The following CTNND2 variants were observed in gnomAD, a reference collection of about 807,000 sequenced individuals.
The protein encoded by CTNND2 is catenin delta 2.
CTNND2 carries 22 observed loss-of-function variants against 144.4 expected under a neutral mutation model. The ratio of observed to expected loss-of-function variants is 0.15; its 90% CI spans 0.11 to 0.22. The LOEUF is 0.22. CTNND2 is among the 10% of genes least tolerant of loss of function. The pLI, the probability that CTNND2 is intolerant of heterozygous loss-of-function variation, is 1.00. For synonymous variants in CTNND2, 751 were observed against 695.6 expected (o/e 1.08, Z -1.25); for missense variants, 1,353 against 1,618.8 (o/e 0.84, Z 2.82).
rs371500967 is a variant in CTNND2, at chr5:11,526,639, C to T, written c.287+38305G>A. The stretch of plus-strand genomic sequence containing the variant: ...TTTTGTTATGTATTAACACTTAATC[C>T]TCAGAATACCCCTGTGTTTTAGGAA... On this transcript the variant is annotated intron_variant, in intron 3 of 21. Transcript: ENST00000304623. 1.6e-4 allele frequency among the ~76,000 whole-genome samples: 25 copies of T among 152,276 alleles called. No homozygotes were observed. The South Asian group carries it at 4.1e-3, about 25-fold the overall frequency.
At position 11,017,958 on chromosome 5, in the gene CTNND2, G is replaced by A. The variant is rs61751680; in HGVS notation, c.3084+16C>T. 2.8e-3 allele frequency: 4,562 copies of A among 1,609,682 alleles called. 110 individuals are homozygous for A. The African/African-American group carries it at 0.053, about 19-fold the overall frequency. On this transcript the variant is annotated intron_variant, in intron 18 of 21. Transcript: ENST00000304623. The stretch of plus-strand genomic sequence containing the variant: ...TTGAGTGTTTGGACTCAGGGCCCAG[G>A]TGAAGCCAGCCTTACCTTTTTGTAG...
At position 11,851,099 on chromosome 5, in the gene CTNND2, C is replaced by A. The variant is rs146785247; in HGVS notation, c.37+52718G>T. 5.9e-5 allele frequency among the ~76,000 whole-genome samples: 9 copies of A among 152,268 alleles called. No individual in the cohort carries two copies. The East Asian group carries it at 1.7e-3, about 29-fold the overall frequency. ...AACATAAATACCCTGTTTGCGTTCC[C>A]GGCCTACTGGCCTGTCCCACAGATT... On this transcript the variant is annotated intron_variant, in intron 1 of 21. Transcript: ENST00000304623.
At position 11,845,345 on chromosome 5, in the gene CTNND2, T is replaced by C. The variant is rs1794683889; in HGVS notation, c.37+58472A>G. On this transcript the variant is annotated intron_variant, in intron 1 of 21. Coordinates refer to ENST00000304623, the MANE Select transcript of CTNND2 (RefSeq NM_001332.4). Reference sequence around the variant, plus strand: ...ACTCCATGGTGGCTGATATGGACTATATTATGTCCTCCCAAAAATCATAGC... The same window carrying C: ...ACTCCATGGTGGCTGATATGGACTACATTATGTCCTCCCAAAAATCATAGC... 2.0e-5 allele frequency among the ~76,000 whole-genome samples: 3 copies of C among 152,212 alleles called. No individual in the cohort carries two copies. The South Asian group carries it at 6.2e-4, about 32-fold the overall frequency.
chr5:11,224,717 C>T (rs1740150084), intron 10 of CTNND2, among the ~76,000 whole-genome samples: 1 of 152,178 alleles, frequency 6.6e-6, no homozygotes, highest in Non-Finnish European at 1.5e-5. Context: ...CAGTGCTGTT[C>T]TGGAAGGTTC....
At position 11,904,386 on chromosome 5, in the gene CTNND2, G is replaced by T. The variant is rs2126367535; in HGVS notation, c.-533C>A. ...AGCCTCCACCTAAACCTCGGCGGCC[G>T]GCCCGGGCGCCCGGCTAGTGAGGGA... On this transcript the variant is annotated 5_prime_UTR_variant, in exon 1 of 22. Transcript: ENST00000304623. The surrounding 1 kb of genome is among the most constrained non-coding windows in gnomAD (Gnocchi z 4.2). 6.6e-6 allele frequency among the ~76,000 whole-genome samples: 1 copy of T among 151,440 alleles called. No individual in the cohort carries two copies. Among genetic ancestry groups the T allele is most frequent in the African/African-American group, 2.4e-5 (1 of 41,426 alleles).
At position 11,262,669 on chromosome 5, in the gene CTNND2, G is replaced by C. The variant is rs1744993342; in HGVS notation, c.1629-25846C>G. Among the ~76,000 whole-genome samples the C allele has an allele frequency of 2.1e-5, 3 of 143,994 alleles. No homozygotes were observed. The South Asian group carries it at 6.8e-4, about 32-fold the overall frequency. 94.5% of individuals were successfully genotyped at this position (143,994 alleles called of 152,430 possible). On this transcript the variant is annotated intron_variant, in intron 9 of 21. Coordinates refer to ENST00000304623, the MANE Select transcript of CTNND2 (RefSeq NM_001332.4). ...CCCAGCTACTCGGGAGGCTGAAGCA[G>C]GAGAATGGCGTGAACCCAGGAGGCA...
intron 12 of CTNND2, among the ~76,000 whole-genome samples, chr5:11,158,060 G>T (rs554667669): frequency 6.6e-6 from 1 of 152,150 alleles, no homozygotes; most frequent in East Asian, 1.9e-4. Flanking sequence ...ACACCACGAA[G>T]ACATACTTAT....
chr5:11,884,317 G>A (rs1156847692), intron 1 of CTNND2, among the ~76,000 whole-genome samples: 5 of 152,010 alleles, frequency 3.3e-5, no homozygotes, highest in African/African-American at 4.8e-5. Flanking sequence ...TAGGTCCTAC[G>A]TTTCAGTCTT....
At chr5:11,419,027 TATATATAG>T (rs1286249150) in intron 3 of CTNND2, among the ~76,000 whole-genome samples, 2 of 140,730 alleles carry the variant, frequency 1.4e-5, no homozygotes, top group African/African-American at 5.5e-5. Flanking sequence ...GATGTCTATC[TATATATAG>T]ATATATAGAT....
chr5:11,171,444 T>A (rs1580481714), intron 11 of CTNND2, among the ~76,000 whole-genome samples: 1 of 152,326 alleles, frequency 6.6e-6, no homozygotes, highest in South Asian at 2.1e-4. Flanking sequence ...CTGATCATGC[T>A]CAAATTTATA....
chr5:11,201,772 C>G (rs1162850655), intron 10 of CTNND2, among the ~76,000 whole-genome samples: 1 of 152,022 alleles, frequency 6.6e-6, no homozygotes, highest in Non-Finnish European at 1.5e-5. Flanking sequence ...AAGGGAGACT[C>G]AAGGATCTTT....
At chr5:11,349,836 CA>C (rs1293136177) in intron 8 of CTNND2, among the ~76,000 whole-genome samples, 3 of 152,014 alleles carry the variant, frequency 2.0e-5, no homozygotes, top group East Asian at 1.9e-4. Context: ...AAATATATTA[CA>C]AAATTGTTAT....
intron 9 of CTNND2, among the ~76,000 whole-genome samples, chr5:11,251,445 G>C (rs1482898058): frequency 6.6e-6 from 1 of 152,154 alleles, no homozygotes; most frequent in African/African-American, 2.4e-5. Flanking sequence ...GAAAATCCTG[G>C]TATGCAAAGT....
rs67991658 is a variant in CTNND2 at position 11,181,758 on chromosome 5, ATGTG to A, written c.1975+17686_1975+17689del. 9.1e-4 allele frequency among the ~76,000 whole-genome samples: 81 copies of A among 89,166 alleles called. 1 individual carries two copies. Among genetic ancestry groups the A allele is most frequent in the African/African-American group, 2.6e-3 (56 of 21,628 alleles). The allele number at this position is 89,166 out of a possible 152,430, so 58.5% of individuals were successfully genotyped here. ...GTGGCATGTGTGTGTGGATGTGTGTATGTGTGTGTGTGTGTGTCTGTGTGTGTGT... is the reference window on the plus strand; with the variant it reads ...GTGGCATGTGTGTGTGGATGTGTGTATGTGTGTGTGTGTCTGTGTGTGTGT... On this transcript the variant is annotated intron_variant, in intron 11 of 21. Coordinates refer to ENST00000304623, the MANE Select transcript of CTNND2 (RefSeq NM_001332.4).
intron 2 of CTNND2, among the ~76,000 whole-genome samples, chr5:11,618,088 C>CA (rs893053439): frequency 1.4e-5 from 2 of 145,354 alleles, no homozygotes; most frequent in Non-Finnish European, 3.0e-5. Flanking sequence ...CCCTATCAGG[C>CA]TTTTTTTTTT....
chr5:11,745,121 C>T (rs1032569615), intron 1 of CTNND2, among the ~76,000 whole-genome samples: 2 of 152,004 alleles, frequency 1.3e-5, no homozygotes, highest in Admixed American at 1.3e-4. Context: ...CTATATATAA[C>T]GTACTATATT....
At chr5:11,045,434 TACTC>T (rs1222835177) in intron 16 of CTNND2, among the ~76,000 whole-genome samples, 4 of 152,182 alleles carry the variant, frequency 2.6e-5, no homozygotes, top group Admixed American at 1.3e-4. Context: ...AACAGAGTGA[TACTC>T]ACTCATTAAG....
intron 1 of CTNND2, among the ~76,000 whole-genome samples, chr5:11,812,186 T>C (rs1792370994): frequency 6.6e-6 from 1 of 152,128 alleles, no homozygotes; most frequent in African/African-American, 2.4e-5. Flanking sequence ...AGATGTCCTG[T>C]TGTGCGGGGA....
chr5:11,013,419 T>C (rs1046959138), intron 18 of CTNND2, among the ~76,000 whole-genome samples: 6 of 152,222 alleles, frequency 3.9e-5, no homozygotes, highest in Non-Finnish European at 8.8e-5. Flanking sequence ...TCTTTCATTA[T>C]AGGGGCTTCA....
Sources: allele counts gnomAD v4.1 joint callset (sites outside exome capture counted in the v4.1 genomes callset), GRCh38; gene constraint gnomAD v4.1.1; non-coding constraint Gnocchi (gnomAD v3.1); transcripts MANE v1.5; gene names NCBI Gene and HGNC (gene_info 2026-07-23, HGNC 2026-07-21).